The following INPPL1 variants were observed in gnomAD, a reference collection of about 807,000 sequenced individuals.
The protein encoded by INPPL1 is inositol polyphosphate phosphatase like 1.
In INPPL1, 91 loss-of-function variants were observed where a neutral mutation model predicts 139.3. That is an observed-to-expected ratio of 0.65 (90% CI 0.55 to 0.78). The LOEUF is 0.78. Among genes scored for constraint, INPPL1 ranks in the 30% least tolerant of loss-of-function variants. The pLI is 0.00. For synonymous variants in INPPL1, 719 were observed against 686.6 expected (o/e 1.05, Z -0.74); for missense variants, 1,411 against 1,665.6 (o/e 0.85, Z 2.66).
chr11:72,226,304 G>A (rs895671633), intron 1 of INPPL1, among the ~76,000 whole-genome samples: 4 of 150,600 alleles, frequency 2.7e-5, no homozygotes, highest in South Asian at 2.1e-4. Context: ...CCTCTGCCTC[G>A]CCAGTAGCTG....
rs1949050901 is a variant in INPPL1, at chr11:72,238,124, G to A, written c.3635G>A (p.Arg1212His). Reference protein sequence around the residue: ...SAWLRAIGLERYEEGLVHNGW... With the variant: ...SAWLRAIGLEHYEEGLVHNGW... ...TGGCTGCGGGCCATCGGCTTGGAGC[G>A]CTATGAGGAGGGCCTGGTGCATAAT... Residue 1212 changes from arginine (R) to histidine (H), a missense_variant, in exon 27 of 28, where the codon CGC becomes CAC. Arg to His is a conservative substitution (Grantham distance 29). Transcript: ENST00000298229. 1 of 1,582,484 alleles carries A rather than the reference G, an allele frequency of 6.3e-7. No individual in the cohort carries two copies. The highest frequency in any genetic ancestry group is 8.6e-7 in the Non-Finnish European group (1 of 1,164,704).
intron 1 of INPPL1, 28 bp downstream of exon 1, chr11:72,225,194 C>T (rs1948634181): frequency 1.1e-6 from 1 of 947,362 alleles, no homozygotes; most frequent in Non-Finnish European, 1.4e-6. Context: ...TCCTTGCGGG[C>T]TGGCGTGGAC....
In INPPL1 at chr11:72,237,389, C is replaced by T. The variant is rs1212967243; in HGVS notation, c.3145C>T (p.Pro1049Ser). 3.1e-6 allele frequency: 5 copies of T among 1,613,792 alleles called. No homozygotes were observed. The highest frequency in any genetic ancestry group is 1.7e-5 in the Admixed American group (1 of 60,022). ...AGATGAGGAGTCTGGAGGCACACTG[C>T]CCCCTCCAGACTTTCCACCTCCACC... ...SSDEESGGTL[P>S]PPDFPPPPLP... Residue 1049 changes from proline (P) to serine (S), a missense_variant, in exon 26 of 28, where the codon CCC becomes TCC. Transcript: ENST00000298229.
chr11:72,232,895 C>A lies in INPPL1; in HGVS notation c.1872C>A (p.Ser624Arg), dbSNP rs750742358. 3.3e-5 allele frequency: 54 copies of A among 1,614,036 alleles called. No homozygotes were observed. Among genetic ancestry groups the A allele is most frequent in the Non-Finnish European group, 4.3e-5 (51 of 1,180,020 alleles). The change falls in exon 16 of 28, where the codon AGC (serine) becomes AGA (arginine). Residue 624 changes from serine (S) to arginine (R), a missense_variant. By Grantham distance (110) the Ser-to-Arg change is moderately radical. Coordinates refer to ENST00000298229, the MANE Select transcript of INPPL1 (RefSeq NM_001567.4). ...CCCAGGAGATCCTGAACTACATCAG[C>A]AGGAAAGAGTTTGAGCCCCTCCTCA... ...MDIQEILNYI[S>R]RKEFEPLLRV...
At chr11:72,237,819 C>G (rs914702797) in intron 26 of INPPL1, 23 bp downstream of exon 26, 4 of 1,571,868 alleles carry the variant, frequency 2.5e-6, no homozygotes, top group Non-Finnish European at 3.4e-6. Flanking sequence ...GGGTGGCTGT[C>G]TGTGTGTGCC....
Position 72,237,699 on chromosome 11 carries a change from T to G in INPPL1, c.3455T>G (p.Leu1152Arg). The G allele has an allele frequency of 6.2e-7, 1 of 1,611,874 alleles. No individual in the cohort carries two copies. The highest frequency in any genetic ancestry group is 1.1e-5 in the South Asian group (1 of 90,882). ...GCGCTCCTCCCAGGCCCCCTGGAGC[T>G]GCAGCCCCCCCGGGGACTGCCCTCG... Reference protein sequence around the residue: ...RSALLPGPLELQPPRGLPSDY... With the variant: ...RSALLPGPLERQPPRGLPSDY... Residue 1152 changes from leucine to arginine, a missense_variant, in exon 26 of 28, where the codon CTG (leucine) becomes CGG (arginine). This residue lies in a region of INPPL1 where 438 missense variants were observed against 425.7 expected (regional missense o/e 1.03). Transcript: ENST00000298229.
At chr11:72,232,100 G>T (rs1425156339) in intron 13 of INPPL1, 140 bp from the exon 14 acceptor site, 1 of 684,088 alleles carries the variant, frequency 1.5e-6, no homozygotes, top group Non-Finnish European at 2.6e-6. Context: ...AGGTGTGGGT[G>T]TGTGCAGGGG....
In INPPL1 at chr11:72,234,024, G is replaced by A. The variant is rs1948912239; in HGVS notation, c.2213-257G>A. Among the ~76,000 whole-genome samples the A allele has an allele frequency of 1.3e-5, 2 of 152,164 alleles. No homozygotes were observed. The highest frequency in any genetic ancestry group is 4.1e-4 in the South Asian group (2 of 4,826). On this transcript the variant is annotated intron_variant, in intron 19 of 27. Transcript: ENST00000298229. The surrounding 1 kb of genome is among the most constrained non-coding windows in gnomAD (Gnocchi z 4.2). ...TGTGTGTCCCTGAGTATGCCTGTAG[G>A]TGTGGGAATCCTGCAGGCATTCTGG...
In INPPL1 at chr11:72,237,166, C is replaced by T. The variant is rs200100388; in HGVS notation, c.2922C>T (p.Ala974=). 9 of 1,602,708 alleles carry T rather than the reference C, an allele frequency of 5.6e-6. No individual in the cohort carries two copies. Among genetic ancestry groups the T allele is most frequent in the South Asian group, 5.5e-5 (5 of 90,706 alleles). Residue 974 remains alanine, a synonymous_variant, in exon 26 of 28, where the codon GCC becomes GCT. Transcript: ENST00000298229. ...EGAPEPEGVA[A]PPPKNSFNNP... ...CTCCTGAACCAGAAGGGGTGGCGGC[C>T]CCCCCACCCAAGAACAGCTTCAATA...
At chr11:72,237,946 C>T in intron 26 of INPPL1, 96 bp from the exon 27 acceptor site, 1 of 1,458,088 alleles carries the variant, frequency 6.9e-7, no homozygotes, top group Non-Finnish European at 9.1e-7. Flanking sequence ...CAGCCCAGCC[C>T]TTCCCTTCCT....
In INPPL1 at chr11:72,238,245, G is replaced by T; in HGVS notation, c.3687-18G>T. ...ATCCCCTTGCCCATCTCACTTCCCA[G>T]CCTGTTTTACTCCACAGTGACATCA... On this transcript the variant is annotated intron_variant, in intron 27 of 27. Coordinates refer to ENST00000298229, the MANE Select transcript of INPPL1 (RefSeq NM_001567.4). 1 of 1,613,700 alleles carries T rather than the reference G, an allele frequency of 6.2e-7. No individual in the cohort carries two copies. The highest frequency in any genetic ancestry group is 1.1e-5 in the South Asian group (1 of 91,058).
Position 72,238,992 on chromosome 11 carries a change from G to C in INPPL1, c.*639G>C, listed in dbSNP as rs994973273. 1 of 152,632 alleles carries C rather than the reference G, an allele frequency of 6.6e-6. No homozygotes were observed. Among genetic ancestry groups the C allele is most frequent in the Non-Finnish European group, 1.5e-5 (1 of 68,212 alleles). 9.5% of individuals were successfully genotyped at this position (152,632 alleles called of 1,614,324 possible). On this transcript the variant is annotated 3_prime_UTR_variant, in exon 28 of 28. Transcript: ENST00000298229. ...CTCTGGGGATGCACGGCGGCAGGGTGGGGGAGGGAGGTTCCTCGCAGGTCT... is the reference window on the plus strand; with the variant it reads ...CTCTGGGGATGCACGGCGGCAGGGTCGGGGAGGGAGGTTCCTCGCAGGTCT...
Position 72,237,761 on chromosome 11 carries a change from A to G in INPPL1, c.3517A>G (p.Ile1173Val). The change falls in exon 26 of 28, where the codon ATC becomes GTC. Residue 1173 changes from isoleucine (I) to valine (V), a missense_variant. By Grantham distance (29) the Ile-to-Val change is conservative (BLOSUM62 3). Coordinates refer to ENST00000298229, the MANE Select transcript of INPPL1 (RefSeq NM_001567.4). ...GRPLSFPPPR[I>V]RESIQEDLAE... ...GCCCCTCAGCTTCCCTCCACCCCGC[A>G]TCCGGGAGAGCATCCAGGAAGACCT... is the stretch of plus-strand genomic sequence containing the variant. 6.2e-7 allele frequency: 1 copy of G among 1,610,500 alleles called. No individual in the cohort carries two copies. Among genetic ancestry groups the G allele is most frequent in the Non-Finnish European group, 8.5e-7 (1 of 1,178,984 alleles).
At position 72,229,127 on chromosome 11, in the gene INPPL1, C is replaced by T; in HGVS notation, c.556C>T (p.Leu186=). ...NGLSTVSHDY[L]KGSYGLDLEA... ...GCTGAGCACCGTCTCGCACGACTACCTGAAAGGCAGCTATGGGCTGGACCT... is the reference window on the plus strand; with the variant it reads ...GCTGAGCACCGTCTCGCACGACTACTTGAAAGGCAGCTATGGGCTGGACCT... Residue 186 remains leucine, a synonymous_variant, in exon 5 of 28, where the codon CTG becomes TTG. Coordinates refer to ENST00000298229, the MANE Select transcript of INPPL1 (RefSeq NM_001567.4). The T allele has an allele frequency of 6.8e-6, 11 of 1,613,856 alleles. No individual in the cohort carries two copies. Among genetic ancestry groups the T allele is most frequent in the Non-Finnish European group, 9.3e-6 (11 of 1,179,878 alleles).
chr11:72,232,665 G>T lies in INPPL1; in HGVS notation c.1752G>T (p.Ser584=). ...QNYLDILRLL[S]LGDRQLNAFD... ...ACTTGGACATCCTGCGGCTGCTCTC[G>T]CTGGGCGACCGGCAGCTCAATGCCT... The change falls in exon 15 of 28, where the codon TCG becomes TCT. Residue 584 remains serine, a synonymous_variant. Coordinates refer to ENST00000298229, the MANE Select transcript of INPPL1 (RefSeq NM_001567.4). 1 of 1,613,888 alleles carries T rather than the reference G, an allele frequency of 6.2e-7. No individual in the cohort carries two copies.
rs756340545 is a variant in INPPL1 at position 72,230,322 on chromosome 11, T to C, written c.1091-40T>C. Reference sequence around the variant, plus strand: ...GGTGGGCAGGGCGGAGCCCCTGGCCTAGGGGCACAGGCCCATGTGACCGGT... The same window carrying C: ...GGTGGGCAGGGCGGAGCCCCTGGCCCAGGGGCACAGGCCCATGTGACCGGT... On this transcript the variant is annotated intron_variant, in intron 9 of 27. Transcript: ENST00000298229. 5.0e-6 allele frequency: 8 copies of C among 1,613,134 alleles called. No homozygotes were observed. In the South Asian group the frequency reaches 8.8e-5, roughly 18 times the overall value.
Position 72,230,215 on chromosome 11 carries a change from T to C in INPPL1, c.1034T>C (p.Leu345Pro). The change falls in exon 9 of 28, where the codon CTG becomes CCG. Residue 345 changes from leucine to proline, a missense_variant. Physicochemically the swap from Leu to Pro is moderately conservative, Grantham distance 98. This residue lies in a region of INPPL1 where 504 missense variants were observed against 595.6 expected (regional missense o/e 0.85). Transcript: ENST00000298229. Reference sequence around the variant, plus strand: ...GATGTGGAGGGTGGGCGGCTGGTGCTGCTGCGGAGACAGCGGGACTCCCAG... The same window carrying C: ...GATGTGGAGGGTGGGCGGCTGGTGCCGCTGCGGAGACAGCGGGACTCCCAG... ...SVDVEGGRLV[L>P]LRRQRDSQED... 6.2e-7 allele frequency: 1 copy of C among 1,612,064 alleles called. No individual in the cohort carries two copies. The highest frequency in any genetic ancestry group is 8.5e-7 in the Non-Finnish European group (1 of 1,178,732).
In INPPL1 at chr11:72,237,342, G is replaced by A. The variant is rs760694548; in HGVS notation, c.3098G>A (p.Arg1033His). ...CAGCTTGGGCACCACCGGCACCCTC[G>A]TGTGGGAGAGGGGAGTTCTTCAGAT... ...APQLGHHRHPRVGEGSSSDEE... is the reference protein window; with the variant it reads ...APQLGHHRHPHVGEGSSSDEE... Residue 1033 changes from arginine (R) to histidine (H), a missense_variant, in exon 26 of 28, where the codon CGT becomes CAT. Around this residue, in one of 5 missense-constraint regions of INPPL1, gnomAD observed 438 missense variants for 425.7 expected, o/e 1.03. Coordinates refer to ENST00000298229, the MANE Select transcript of INPPL1 (RefSeq NM_001567.4). The A allele has an allele frequency of 5.0e-6, 8 of 1,613,864 alleles. No homozygotes were observed. Among genetic ancestry groups the A allele is most frequent in the African/African-American group, 2.7e-5 (2 of 74,904 alleles).
intron 26 of INPPL1, 121 bp from the exon 27 acceptor site, chr11:72,237,920 TG>T (rs1321362410): frequency 1.2e-5 from 17 of 1,442,800 alleles, no homozygotes; most frequent in Non-Finnish European, 1.6e-5. Context: ...ACTGGGAAGT[TG>T]GGAGACACAT....
Sources: gnomAD v4.1 joint callset for allele counts (sites outside exome capture counted in the v4.1 genomes callset) on GRCh38, gnomAD v4.1.1 for gene constraint, gnomAD v4.1.1 regional missense constraint, Gnocchi (gnomAD v3.1) non-coding constraint, MANE v1.5 for transcripts, NCBI Gene and HGNC (gene_info 2026-07-23, HGNC 2026-07-21) for gene names.